CDH13: variants seen among roughly 807,000 people sequenced by gnomAD.
CDH13 encodes cadherin-13.
In CDH13, 24 loss-of-function variants were observed where a neutral mutation model predicts 63.8. The ratio of observed to expected loss-of-function variants is 0.38; its 90% CI spans 0.27 to 0.53. CDH13 has a LOEUF of 0.53. CDH13 is among the 20% of genes least tolerant of loss of function. The pLI is 0.85. For missense variants in CDH13, 1,049 were observed against 903.1 expected, an observed-to-expected ratio of 1.16 and a Z score of -2.07; for synonymous variants, 503 against 355.3, an observed-to-expected ratio of 1.42 and a Z score of -4.67.
intron 1 of CDH13, among the ~76,000 whole-genome samples, chr16:82,641,565 C>CACAT (rs1261428019): frequency 6.6e-6 from 1 of 152,160 alleles, no homozygotes; most frequent in African/African-American, 2.4e-5. Flanking sequence ...CTTAGGGCCT[C>CACAT]GTCTTTGACA....
intron 2 of CDH13, among the ~76,000 whole-genome samples, chr16:82,882,775 G>A (rs976871340): frequency 2.0e-5 from 3 of 151,612 alleles, no homozygotes; most frequent in African/African-American, 2.4e-5. Context: ...TTATTCATAC[G>A]CTTGGTAAGA....
At chr16:83,054,182 A>G (rs972879462) in intron 3 of CDH13, among the ~76,000 whole-genome samples, 1 of 152,206 alleles carries the variant, frequency 6.6e-6, no homozygotes, top group Non-Finnish European at 1.5e-5. Context: ...GCACAATGCC[A>G]GAATCAACTA....
intron 10 of CDH13, among the ~76,000 whole-genome samples, chr16:83,729,745 A>G (rs770463618): frequency 7.2e-5 from 11 of 152,264 alleles, no homozygotes; most frequent in Non-Finnish European, 1.2e-4. Flanking sequence ...CAAGTGCTCA[A>G]TAAATATTAT....
In CDH13 at chr16:83,245,844, A is replaced by T. The variant is rs527275683; in HGVS notation, c.636+28347A>T. 2.3e-3 allele frequency among the ~76,000 whole-genome samples: 353 copies of T among 152,142 alleles called. 1 individual carries two copies. Among genetic ancestry groups the T allele is most frequent in the African/African-American group, 7.6e-3 (317 of 41,508 alleles). On this transcript the variant is annotated intron_variant, in intron 5 of 13. Coordinates refer to ENST00000567109, the MANE Select transcript of CDH13 (RefSeq NM_001257.5). ...TGCAGCCAAGACCTCCCTGGCTCAA[A>T]TGATTCTCCCACCTCAGTCTTCTGA... is the stretch of plus-strand genomic sequence containing the variant.
chr16:82,824,930 A>C (rs1387034411), intron 1 of CDH13: 3 of 152,198 alleles, frequency 2.0e-5, no homozygotes, highest in African/African-American at 7.2e-5. Context: ...CTGTTAAAAA[A>C]ATACTTTTAA....
intron 2 of CDH13, among the ~76,000 whole-genome samples, chr16:82,861,457 T>G (rs931133856): frequency 6.6e-6 from 1 of 152,210 alleles, no homozygotes; most frequent in Non-Finnish European, 1.5e-5. Context: ...TACCCTAGAC[T>G]TGTGTTCATC....
chr16:83,520,632 T>C (rs958494631), intron 7 of CDH13, among the ~76,000 whole-genome samples: 3 of 152,126 alleles, frequency 2.0e-5, no homozygotes, highest in African/African-American at 7.2e-5. Flanking sequence ...TGCGGAAGTG[T>C]TTATGTTTGC....
intron 1 of CDH13, among the ~76,000 whole-genome samples, chr16:82,829,038 A>G (rs1282619952): frequency 6.6e-6 from 1 of 152,144 alleles, no homozygotes; most frequent in Non-Finnish European, 1.5e-5. Flanking sequence ...AGGTGGACAC[A>G]TGGAATTCAT....
chr16:82,749,892 A>T (rs1452341446), intron 1 of CDH13, among the ~76,000 whole-genome samples: 1 of 152,054 alleles, frequency 6.6e-6, no homozygotes, highest in Non-Finnish European at 1.5e-5. Context: ...TTTGCCAATG[A>T]CTGAATGAAA....
At chr16:83,095,988 G>A (rs943453004) in intron 3 of CDH13, among the ~76,000 whole-genome samples, 3 of 152,186 alleles carry the variant, frequency 2.0e-5, no homozygotes, top group African/African-American at 7.2e-5. Flanking sequence ...TTTAAAGGTT[G>A]AACATGTCTT....
At chr16:83,196,212 C>T (rs570151210) in intron 4 of CDH13, among the ~76,000 whole-genome samples, 49 of 152,004 alleles carry the variant, frequency 3.2e-4, no homozygotes, top group Middle Eastern at 3.4e-3. Flanking sequence ...GCCTAGAACA[C>T]GCCATTGCGC....
At chr16:83,565,580 T>G (rs1005479194) in intron 7 of CDH13, among the ~76,000 whole-genome samples, 1 of 152,096 alleles carries the variant, frequency 6.6e-6, no homozygotes, top group African/African-American at 2.4e-5. Context: ...GTGGAACATC[T>G]GAGCAATGCG....
At position 82,644,017 on chromosome 16, in the gene CDH13, C is replaced by T. The variant is rs1025376159; in HGVS notation, c.45+16880C>T. Among the ~76,000 whole-genome samples the T allele has an allele frequency of 6.6e-6, 1 of 152,032 alleles. No homozygotes were observed. Among genetic ancestry groups the T allele is most frequent in the Non-Finnish European group, 1.5e-5 (1 of 68,004 alleles). On this transcript the variant is annotated intron_variant, in intron 1 of 13. Coordinates refer to ENST00000567109, the MANE Select transcript of CDH13 (RefSeq NM_001257.5). The surrounding 1 kb of genome is among the most constrained non-coding windows in gnomAD (Gnocchi z 5.7). Reference sequence around the variant, plus strand: ...CTCCAGGAGTAGCTGGCATTACAGGCTTGGCTGACTTTTAAAAGTAGTAAG... The same window carrying T: ...CTCCAGGAGTAGCTGGCATTACAGGTTTGGCTGACTTTTAAAAGTAGTAAG...
chr16:82,707,236 A>G (rs568370742), intron 1 of CDH13, among the ~76,000 whole-genome samples: 16 of 152,370 alleles, frequency 1.1e-4, no homozygotes, highest in Admixed American at 2.6e-4. Context: ...AACAAAAGCC[A>G]TTGCTAATGA....
At chr16:82,890,800 C>T (rs2041054586) in intron 2 of CDH13, among the ~76,000 whole-genome samples, 1 of 152,002 alleles carries the variant, frequency 6.6e-6, no homozygotes, top group African/African-American at 2.4e-5. Flanking sequence ...TATATGCATG[C>T]ACCACCACGC....
At chr16:83,726,966 G>T (rs534838031) in intron 10 of CDH13, among the ~76,000 whole-genome samples, 1 of 152,146 alleles carries the variant, frequency 6.6e-6, no homozygotes, top group Non-Finnish European at 1.5e-5. Flanking sequence ...GGAAATCATG[G>T]ATACCTCCCT....
chr16:83,472,809 C>T (rs920457813), intron 6 of CDH13, among the ~76,000 whole-genome samples: 4 of 152,186 alleles, frequency 2.6e-5, no homozygotes, highest in African/African-American at 9.7e-5. Flanking sequence ...ATTTATTGAG[C>T]ACCTACTGTG....
At chr16:82,904,947 C>G (rs1335271291) in intron 2 of CDH13, among the ~76,000 whole-genome samples, 1 of 152,098 alleles carries the variant, frequency 6.6e-6, no homozygotes, top group Non-Finnish European at 1.5e-5. Context: ...CTAAATGAAC[C>G]CAGGTTTCTC....
chr16:83,032,789 C>T (rs1326313669), intron 3 of CDH13, among the ~76,000 whole-genome samples: 1 of 152,136 alleles, frequency 6.6e-6, no homozygotes, highest in Non-Finnish European at 1.5e-5. Flanking sequence ...AGAGTCAGCC[C>T]TATTCACCTG....
Sources: allele counts gnomAD v4.1 joint callset (sites outside exome capture counted in the v4.1 genomes callset), GRCh38; gene constraint gnomAD v4.1.1; non-coding constraint Gnocchi (gnomAD v3.1); transcripts MANE v1.5; gene names NCBI Gene and HGNC (gene_info 2026-07-23, HGNC 2026-07-21).